Variants in TRHDE observed in about 807,000 individuals in gnomAD.
TRHDE encodes thyrotropin-releasing hormone-degrading ectoenzyme.
In TRHDE, 72 loss-of-function variants were observed where a neutral mutation model predicts 125.7. The ratio of observed to expected loss-of-function variants is 0.57; its 90% CI spans 0.47 to 0.70. TRHDE has a LOEUF of 0.70. Ranked by LOEUF, TRHDE falls within the 30% of genes least tolerant of loss-of-function variation. The pLI is 0.00. For synonymous variants in TRHDE, 509 were observed against 509.1 expected (o/e 1.00, Z 0.00); for missense variants, 1,110 against 1,327.1 (o/e 0.84, Z 2.54).
chr12:72,309,816 A>G (rs940171494), intron 2 of TRHDE: 1 of 152,234 alleles, frequency 6.6e-6, no homozygotes, highest in Non-Finnish European at 1.5e-5. Flanking sequence ...TGCTTGTAAT[A>G]GAATGGTTGA....
chr12:72,216,559 A>G (rs1275840058), intron 2 of TRHDE, among the ~76,000 whole-genome samples: 1 of 152,144 alleles, frequency 6.6e-6, no homozygotes, highest in Admixed American at 6.6e-5. Context: ...TGAACCTACA[A>G]TTTCTACTTC....
rs193240766 is a variant in TRHDE at position 72,593,868 on chromosome 12, G to A, written c.2321+18326G>A. ...ACTCATCCTTTTTTATGGCTGCATA[G>A]TATTCCATGGTGTATATGTGCCTCA... On this transcript the variant is annotated intron_variant, in intron 12 of 18. Coordinates refer to ENST00000261180, the MANE Select transcript of TRHDE (RefSeq NM_013381.3). Among the ~76,000 whole-genome samples, 432 of 152,290 alleles carry A rather than the reference G, an allele frequency of 2.8e-3. 4 individuals are homozygous for A. Among genetic ancestry groups the A allele is most frequent in the African/African-American group, 9.3e-3 (386 of 41,564 alleles).
At chr12:72,398,383 G>A (rs1181250125) in intron 3 of TRHDE, among the ~76,000 whole-genome samples, 1 of 152,098 alleles carries the variant, frequency 6.6e-6, no homozygotes, top group African/African-American at 2.4e-5. Flanking sequence ...GGTATTTCTA[G>A]TTCTAGATCC....
intron 9 of TRHDE, among the ~76,000 whole-genome samples, chr12:72,565,875 T>C (rs1870418450): frequency 6.6e-6 from 1 of 152,120 alleles, no homozygotes; most frequent in Non-Finnish European, 1.5e-5. Context: ...GATGGGTCTT[T>C]TTTTAATGCT....
Position 72,378,128 on chromosome 12 carries a change from A to G in TRHDE, c.1315+7A>G. 1 of 1,565,922 alleles carries G rather than the reference A, an allele frequency of 6.4e-7. No individual in the cohort carries two copies. ...TATTCCTTGCCAAAACTAGGTAAGA[A>G]TTTTCTTGGTTATTTTATTGGAAGG... On this transcript the variant is annotated splice_region_variant and intron_variant, in intron 3 of 18. Transcript: ENST00000261180.
intron 3 of TRHDE, among the ~76,000 whole-genome samples, chr12:72,461,233 G>A (rs1876112743): frequency 6.6e-6 from 1 of 152,128 alleles, no homozygotes; most frequent in Admixed American, 6.6e-5. Context: ...AGACCATCAG[G>A]AGAAAAATGT....
Position 72,272,899 on chromosome 12 carries a change from G to A in TRHDE, c.256G>A (p.Val86Met), listed in dbSNP as rs750214487. The part of the protein sequence containing the change: ...ERHIAVHKRL[V>M]LAFAVSLVAL... The stretch of plus-strand genomic sequence containing the variant: ...CCACATCGCCGTACACAAGCGGCTT[G>A]TGCTGGCCTTCGCTGTGTCCCTCGT... The change falls in exon 1 of 19, where the codon GTG (valine) becomes ATG (methionine). Residue 86 changes from valine to methionine, a missense_variant. Physicochemically the swap from Val to Met is conservative, Grantham distance 21 (BLOSUM62 1). Transcript: ENST00000261180. This position sits in a 1 kb window ranked among gnomAD's most constrained non-coding sequence, Gnocchi z 6.7. 9.5e-6 allele frequency: 15 copies of A among 1,578,656 alleles called. No individual in the cohort carries two copies. The highest frequency in any genetic ancestry group is 1.3e-5 in the Non-Finnish European group (15 of 1,170,566).
chr12:72,492,639 A>G (rs1447661725), intron 5 of TRHDE, among the ~76,000 whole-genome samples: 1 of 151,812 alleles, frequency 6.6e-6, no homozygotes, highest in Non-Finnish European at 1.5e-5. Flanking sequence ...GAAAAACAAG[A>G]AGGAAAAACA....
intron 5 of TRHDE, among the ~76,000 whole-genome samples, chr12:72,489,886 C>T (rs1452440258): frequency 1.3e-5 from 2 of 151,854 alleles, no homozygotes; most frequent in Non-Finnish European, 2.9e-5. Context: ...AACTATAACA[C>T]TTTTAGATGA....
chr12:72,486,030 G>GTGTTT (rs1877392161), intron 5 of TRHDE, among the ~76,000 whole-genome samples: 2 of 152,220 alleles, frequency 1.3e-5, no homozygotes, highest in East Asian at 1.9e-4. Context: ...ATACCCCACT[G>GTGTTT]TGTTTTGTTG....
chr12:72,286,590 ATATAT>A, intron 1 of TRHDE, 86 bp from the exon 2 acceptor site: 1 of 1,240,602 alleles, frequency 8.1e-7, no homozygotes. Context: ...ATTTGGAATA[ATATAT>A]TATTTCATCA....
At chr12:72,233,858 T>C (rs1878292685) in intron 2 of TRHDE, among the ~76,000 whole-genome samples, 1 of 152,230 alleles carries the variant, frequency 6.6e-6, no homozygotes, top group Non-Finnish European at 1.5e-5. Flanking sequence ...TTAGAAGATT[T>C]TTTTTCAGCC....
intron 2 of TRHDE, among the ~76,000 whole-genome samples, chr12:72,337,236 G>A (rs559508262): frequency 1.3e-4 from 20 of 152,222 alleles, no homozygotes; most frequent in African/African-American, 4.8e-4. Flanking sequence ...AGCTGACAGA[G>A]GTCTTTTCCT....
chr12:72,496,242 A>C (rs1368923105), intron 5 of TRHDE, among the ~76,000 whole-genome samples: 1 of 152,176 alleles, frequency 6.6e-6, no homozygotes, highest in African/African-American at 2.4e-5. Context: ...TTGTTCCTTT[A>C]AATGTTCCAC....
intron 7 of TRHDE, among the ~76,000 whole-genome samples, chr12:72,557,654 C>T (rs920834066): frequency 6.6e-6 from 1 of 152,052 alleles, no homozygotes; most frequent in African/African-American, 2.4e-5. Flanking sequence ...TTACTTTTCC[C>T]CTTGTCTTTA....
rs370880522 is a variant in TRHDE, at chr12:72,663,042, C to A, written c.3067-10C>A. The A allele has an allele frequency of 1.8e-4, 286 of 1,597,030 alleles. No homozygotes were observed. The highest frequency in any genetic ancestry group is 2.2e-4 in the Non-Finnish European group (255 of 1,172,790). ...AGGCAGATTTACCATTTAAAAATTT[C>A]TCTTTCCAGCTCAAGAACTTCATGA... On this transcript the variant is annotated splice_polypyrimidine_tract_variant and intron_variant, in intron 18 of 18. Coordinates refer to ENST00000261180, the MANE Select transcript of TRHDE (RefSeq NM_013381.3).
chr12:72,579,307 C>T (rs1871139267), intron 12 of TRHDE, among the ~76,000 whole-genome samples: 1 of 151,942 alleles, frequency 6.6e-6, no homozygotes, highest in African/African-American at 2.4e-5. Flanking sequence ...AAACTTTTGA[C>T]AGTCTAGTGG....
intron 2 of TRHDE, among the ~76,000 whole-genome samples, chr12:72,258,843 T>C (rs116200513): frequency 0.024 from 3,687 of 152,246 alleles, 149 homozygotes; most frequent in African/African-American, 0.083. Flanking sequence ...TTGTCCAATG[T>C]TTCCTCTTGA....
chr12:72,240,267 A>C (rs1878448284), intron 2 of TRHDE, among the ~76,000 whole-genome samples: 1 of 150,202 alleles, frequency 6.7e-6, no homozygotes, highest in African/African-American at 2.4e-5. Flanking sequence ...ACCAAAAATA[A>C]AAACTGCTAA....
Sources: allele counts gnomAD v4.1 joint callset (sites outside exome capture counted in the v4.1 genomes callset), GRCh38; gene constraint gnomAD v4.1.1; non-coding constraint Gnocchi (gnomAD v3.1); transcripts MANE v1.5; gene names NCBI Gene and HGNC (gene_info 2026-07-23, HGNC 2026-07-21).